The following ZNF205 variants were observed in gnomAD, a reference collection of about 807,000 sequenced individuals.
ZNF205 encodes transcriptional repressor RHIT.
ZNF205 carries 32 observed loss-of-function variants against 53.6 expected under a neutral mutation model. That is an observed-to-expected ratio of 0.60 (90% CI 0.45 to 0.80). The LOEUF is 0.80. Among genes scored for constraint, ZNF205 ranks in the 30% least tolerant of loss-of-function variants. The pLI is 0.00. For synonymous variants in ZNF205, 382 were observed against 334.3 expected (o/e 1.14, Z -1.56); for missense variants, 836 against 782.4 (o/e 1.07, Z -0.82).
rs777045470 is a variant in ZNF205, at chr16:3,118,965, G to A, written c.545G>A (p.Gly182Asp). 1 of 1,613,656 alleles carries A rather than the reference G, an allele frequency of 6.2e-7. No homozygotes were observed. The highest frequency in any genetic ancestry group is 8.5e-7 in the Non-Finnish European group (1 of 1,179,972). ...GCGCACGGCAAGGGTGAGGCCTCGG[G>A]CTCCAGCCGGCAGGCAGGAGATGAG... The part of the protein sequence containing the change: ...PQAHGKGEAS[G>D]SSRQAGDEKE... Residue 182 changes from glycine (G) to aspartate (D), a missense_variant, in exon 6 of 7, where the codon GGC becomes GAC. Transcript: ENST00000219091.
At chr16:3,117,076 G>C (rs940861162) in intron 5 of ZNF205, among the ~76,000 whole-genome samples, 1 of 152,310 alleles carries the variant, frequency 6.6e-6, no homozygotes, top group East Asian at 1.9e-4. Context: ...TTACAGGCGT[G>C]AGCCACCGCG....
In ZNF205 at chr16:3,117,576, T is replaced by C. The variant is rs1478467035; in HGVS notation, c.484+1029T>C. Among the ~76,000 whole-genome samples, 3 of 149,978 alleles carry C rather than the reference T, an allele frequency of 2.0e-5. No individual in the cohort carries two copies. In the Admixed American group the frequency reaches 2.0e-4, roughly 10 times the overall value. On this transcript the variant is annotated intron_variant, in intron 5 of 6. Coordinates refer to ENST00000219091, the MANE Select transcript of ZNF205 (RefSeq NM_001042428.2). ...GATCCTCCTGCCACAGCCTCCTGAG[T>C]AGCTGGGGCTACAGGTACCACCATG...
rs751228733 is a variant in ZNF205 at position 3,119,681 on chromosome 16, T to A, written c.1021T>A (p.Cys341Ser). The change falls in exon 7 of 7, where the codon TGC (cysteine) becomes AGC (serine). Residue 341 changes from cysteine to serine, a missense_variant. Transcript: ENST00000219091. ...CGAGAAGCCCTACGCCTGCACTGAC[T>A]GCGGGAAGCGCTTCGGCCGCAGCTC... ...TGEKPYACTD[C>S]GKRFGRSSHL... 1 of 1,613,414 alleles carries A rather than the reference T, an allele frequency of 6.2e-7. No homozygotes were observed. The highest frequency in any genetic ancestry group is 8.5e-7 in the Non-Finnish European group (1 of 1,179,840).
chr16:3,119,127 G>A, intron 6 of ZNF205, 112 bp downstream of exon 6: 2 of 1,498,796 alleles, frequency 1.3e-6, no homozygotes, highest in South Asian at 1.3e-5. Context: ...TGGGCGGTTT[G>A]CGCCCAGGGC....
At position 3,120,130 on chromosome 16, in the gene ZNF205, C is replaced by T; in HGVS notation, c.1470C>T (p.His490=). The T allele has an allele frequency of 2.5e-6, 4 of 1,613,342 alleles. No individual in the cohort carries two copies. Among genetic ancestry groups the T allele is most frequent in the Non-Finnish European group, 3.4e-6 (4 of 1,179,678 alleles). Residue 490 remains histidine (H), a synonymous_variant, in exon 7 of 7, where the codon CAC becomes CAT. Transcript: ENST00000219091. ...DCGKSFSHSS[H]LTAHQRTHRG... is the part of the protein sequence containing the mutation. Reference sequence around the variant, plus strand: ...GCAAGAGCTTCAGCCACAGCTCGCACCTCACCGCGCACCAGCGCACCCACC... The same window carrying T: ...GCAAGAGCTTCAGCCACAGCTCGCATCTCACCGCGCACCAGCGCACCCACC...
intron 6 of ZNF205, 112 bp downstream of exon 6, chr16:3,119,127 G>T: frequency 1.3e-6 from 2 of 1,498,796 alleles, no homozygotes. Context: ...TGGGCGGTTT[G>T]CGCCCAGGGC....
At position 3,118,139 on chromosome 16, in the gene ZNF205, A is replaced by C. The variant is rs149420478; in HGVS notation, c.485-766A>C. On this transcript the variant is annotated intron_variant, in intron 5 of 6. Coordinates refer to ENST00000219091, the MANE Select transcript of ZNF205 (RefSeq NM_001042428.2). ...GGCCTCCCAAAGTGCTGGAGGCATG[A>C]GCCACTGCGCCTGGCCAACACCCAG... is the stretch of plus-strand genomic sequence containing the variant. Among the ~76,000 whole-genome samples, 421 of 150,712 alleles carry C rather than the reference A, an allele frequency of 2.8e-3. 3 individuals are homozygous for C. Among genetic ancestry groups the C allele is most frequent in the African/African-American group, 9.6e-3 (394 of 40,952 alleles).
intron 6 of ZNF205, 101 bp from the exon 7 acceptor site, chr16:3,119,155 G>C: frequency 6.6e-7 from 1 of 1,506,420 alleles, no homozygotes; most frequent in South Asian, 1.3e-5. Flanking sequence ...GCGCTTTCTG[G>C]TCTCTGAGAA....
rs781393852 is a variant in ZNF205, at chr16:3,115,502, G to C, written c.205G>C (p.Gly69Arg). ...GGCATCGCAGGAGGATGGGGCTCAA[G>C]GTGCCTGGGGCTGGGCACCCCTAAG... ...EGASQEDGAQGAWGWAPLSHG... is the reference protein window; with the variant it reads ...EGASQEDGAQRAWGWAPLSHG... Residue 69 changes from glycine (G) to arginine (R), a missense_variant, in exon 3 of 7, where the codon GGT (glycine) becomes CGT (arginine). Gly to Arg is a moderately radical substitution (Grantham distance 125, BLOSUM62 -2). Transcript: ENST00000219091. 11 of 1,605,472 alleles carry C rather than the reference G, an allele frequency of 6.9e-6. No individual in the cohort carries two copies. Among genetic ancestry groups the C allele is most frequent in the Non-Finnish European group, 9.3e-6 (11 of 1,176,850 alleles).
intron 4 of ZNF205, 85 bp from the exon 5 acceptor site, chr16:3,116,342 G>A (rs1029793669): frequency 6.4e-7 from 1 of 1,572,470 alleles, no homozygotes; most frequent in Non-Finnish European, 8.7e-7. Flanking sequence ...GGGAGTCCGG[G>A]GTCTCACCAC....
rs1957386003 is a variant in ZNF205, at chr16:3,119,248, T to C, written c.596-8T>C. On this transcript the variant is annotated splice_polypyrimidine_tract_variant and splice_region_variant and intron_variant, in intron 6 of 6. Transcript: ENST00000219091. ...CGTCCCTAGCTGGAAACGACTTTCT[T>C]TTTCCAGGAGCCGTCGAGGTGGGGC... 1 of 1,565,934 alleles carries C rather than the reference T, an allele frequency of 6.4e-7. No individual in the cohort carries two copies. The highest frequency in any genetic ancestry group is 8.7e-7 in the Non-Finnish European group (1 of 1,154,196).
intron 5 of ZNF205, 141 bp from the exon 6 acceptor site, chr16:3,118,764 G>A (rs2151231181): frequency 7.2e-6 from 6 of 836,390 alleles, no homozygotes; most frequent in Admixed American, 3.0e-5. Flanking sequence ...CGACCCAGGG[G>A]GCCTTCTTGA....
Position 3,116,466 on chromosome 16 carries a change from C to T in ZNF205, c.403C>T (p.Arg135Trp), listed in dbSNP as rs143032070. 48 of 1,613,948 alleles carry T rather than the reference C, an allele frequency of 3.0e-5. No homozygotes were observed. The highest frequency in any genetic ancestry group is 1.3e-4 in the African/African-American group (10 of 74,910). Residue 135 changes from arginine (R) to tryptophan (W), a missense_variant, in exon 5 of 7, where the codon CGG becomes TGG. Transcript: ENST00000219091. ...TFEDVALYLSREEWGRLDHTQ... is the reference protein window; with the variant it reads ...TFEDVALYLSWEEWGRLDHTQ... ...CGAGGATGTGGCCTTGTACCTCTCC[C>T]GGGAGGAGTGGGGACGGCTGGACCA...
At position 3,120,139 on chromosome 16, in the gene ZNF205, GCAC is replaced by G; in HGVS notation, c.1482_1484del (p.His494del). The G allele has an allele frequency of 1.2e-6, 2 of 1,612,966 alleles. No homozygotes were observed. Among genetic ancestry groups the G allele is most frequent in the Non-Finnish European group, 1.7e-6 (2 of 1,179,518 alleles). ...TCAGCCACAGCTCGCACCTCACCGC[GCAC>G]CAGCGCACCCACCGTGGCGTGCGGC... On this transcript the variant is annotated inframe_deletion, in exon 7 of 7. Coordinates refer to ENST00000219091, the MANE Select transcript of ZNF205 (RefSeq NM_001042428.2).
At chr16:3,118,867 A>G (rs1214848310) in intron 5 of ZNF205, 38 bp from the exon 6 acceptor site, 2 of 1,601,008 alleles carry the variant, frequency 1.2e-6, no homozygotes, top group Non-Finnish European at 1.7e-6. Context: ...GGGCAGCGCC[A>G]GAAGGCCTGT....
In ZNF205 at chr16:3,112,601, C is replaced by A; in HGVS notation, c.-96C>A. ...CCCAGTCTCCACCCAACTCCCCCGC[C>A]CGCCCCGTGCAGGCTGTGGAGACTC... On this transcript the variant is annotated 5_prime_UTR_variant, in exon 1 of 7. Coordinates refer to ENST00000219091, the MANE Select transcript of ZNF205 (RefSeq NM_001042428.2). 3.0e-6 allele frequency: 1 copy of A among 338,324 alleles called. No individual in the cohort carries two copies. Among genetic ancestry groups the A allele is most frequent in the Non-Finnish European group, 5.9e-6 (1 of 169,018 alleles). The allele number at this position is 338,324 out of a possible 1,614,324, so 21.0% of individuals were successfully genotyped here.
At chr16:3,117,617 CT>C (rs758639859) in intron 5 of ZNF205, among the ~76,000 whole-genome samples, 2 of 148,650 alleles carry the variant, frequency 1.3e-5, no homozygotes, top group East Asian at 2.0e-4. Context: ...CTATTTTTTT[CT>C]TTTTTTCTTT....
Position 3,113,464 on chromosome 16 carries a change from C to A in ZNF205, c.34C>A (p.Gln12Lys), listed in dbSNP as rs1340642313. 2 of 1,613,406 alleles carry A rather than the reference C, an allele frequency of 1.2e-6. No individual in the cohort carries two copies. Among genetic ancestry groups the A allele is most frequent in the Non-Finnish European group, 1.7e-6 (2 of 1,179,790 alleles). ...SADGGGIQDT[Q>K]DKETPPEVPD... Reference sequence around the variant, plus strand: ...AGACGGCGGAGGCATCCAGGACACCCAGGACAAGGAGACACCCCCGGAGGT... The same window carrying A: ...AGACGGCGGAGGCATCCAGGACACCAAGGACAAGGAGACACCCCCGGAGGT... Residue 12 changes from glutamine to lysine, a missense_variant, in exon 2 of 7, where the codon CAG (glutamine) becomes AAG (lysine). Physicochemically the swap from Gln to Lys is moderately conservative, Grantham distance 53 (BLOSUM62 1). Coordinates refer to ENST00000219091, the MANE Select transcript of ZNF205 (RefSeq NM_001042428.2).
At position 3,120,175 on chromosome 16, in the gene ZNF205, C is replaced by T. The variant is rs772929968; in HGVS notation, c.1515C>T (p.Ala505=). 6 of 1,606,966 alleles carry T rather than the reference C, an allele frequency of 3.7e-6. No individual in the cohort carries two copies. Among genetic ancestry groups the T allele is most frequent in the South Asian group, 1.1e-5 (1 of 90,352 alleles). Residue 505 remains alanine, a synonymous_variant, in exon 7 of 7, where the codon GCC becomes GCT. Transcript: ENST00000219091. ...CCCACCGTGGCGTGCGGCCCTACGC[C>T]TGCCCGTTGTGCGGCAAGAGCTTCA... ...QRTHRGVRPY[A]CPLCGKSFSR...
Sources: gnomAD v4.1 joint callset for allele counts (sites outside exome capture counted in the v4.1 genomes callset) on GRCh38, gnomAD v4.1.1 for gene constraint, MANE v1.5 for transcripts, NCBI Gene and HGNC (gene_info 2026-07-23, HGNC 2026-07-21) for gene names.